COL22A1: variants seen among roughly 807,000 people sequenced by gnomAD.
The protein encoded by COL22A1 is collagen alpha-1(XXII) chain.
Under a neutral mutation model 248.9 loss-of-function variants are expected in COL22A1, and 221 were observed. That is an observed-to-expected ratio of 0.89 (90% CI 0.80 to 0.99). The LOEUF (loss-of-function observed/expected upper bound fraction) is 0.99. Ranked by LOEUF, COL22A1 falls within the 50% of genes least tolerant of loss-of-function variation. The pLI is 0.00. For synonymous variants in COL22A1, 891 were observed against 793.4 expected (o/e 1.12, Z -2.07); for missense variants, 2,240 against 2,179.0 (o/e 1.03, Z -0.56).
At chr8:138,728,584 C>T (rs920778489) in intron 23 of COL22A1, among the ~76,000 whole-genome samples, 3 of 151,982 alleles carry the variant, frequency 2.0e-5, no homozygotes, top group South Asian at 2.1e-4. Context: ...TTGCCCCTTG[C>T]GAACACCCTT....
intron 60 of COL22A1, among the ~76,000 whole-genome samples, chr8:138,599,705 A>G (rs893446551): frequency 6.6e-6 from 1 of 152,146 alleles, no homozygotes; most frequent in African/African-American, 2.4e-5. Flanking sequence ...AGCCTGCGTG[A>G]CAGAGTGAGA....
rs776298038 is a variant in COL22A1, at chr8:138,725,406, G to T, written c.2174C>A (p.Pro725His). 1 of 1,613,744 alleles carries T rather than the reference G, an allele frequency of 6.2e-7. No homozygotes were observed. The highest frequency in any genetic ancestry group is 8.5e-7 in the Non-Finnish European group (1 of 1,179,772). ...TCTTACCGGAGAACCTCCCGGTCCA[G>T]GGGGGCCTGGGACACCAGGGGGTCC... is the stretch of plus-strand genomic sequence containing the variant. ...PPGPPGVPGP[P>H]GPGGSPGLPG... Residue 725 changes from proline to histidine, a missense_variant, in exon 24 of 65, where the codon CCT (proline) becomes CAT (histidine). Physicochemically the swap from Pro to His is moderately conservative, Grantham distance 77 (BLOSUM62 -2). Coordinates refer to ENST00000303045, the MANE Select transcript of COL22A1 (RefSeq NM_152888.3).
At chr8:138,762,143 G>A (rs754673806) in intron 17 of COL22A1, among the ~76,000 whole-genome samples, 4 of 152,162 alleles carry the variant, frequency 2.6e-5, no homozygotes, top group African/African-American at 4.8e-5. Flanking sequence ...CCTTGAAAAC[G>A]TGCGCGTGGT....
intron 22 of COL22A1, among the ~76,000 whole-genome samples, chr8:138,738,140 G>A (rs558725590): frequency 1.3e-5 from 2 of 152,244 alleles, no homozygotes; most frequent in East Asian, 3.9e-4. Flanking sequence ...ACAAGTGCAT[G>A]GTTTTCCCTG....
chr8:138,696,368 GA>G (rs1319197884), intron 32 of COL22A1, among the ~76,000 whole-genome samples: 3 of 152,184 alleles, frequency 2.0e-5, no homozygotes, highest in Admixed American at 6.5e-5. Context: ...GTGTTTGCAA[GA>G]CACGGCTTTA....
At chr8:138,625,384 G>A (rs1449910532) in intron 51 of COL22A1, among the ~76,000 whole-genome samples, 1 of 152,030 alleles carries the variant, frequency 6.6e-6, no homozygotes, top group African/African-American at 2.4e-5. Flanking sequence ...CAGGGTTGGG[G>A]GACTGTAGAC....
At chr8:138,809,181 G>A (rs1817972111) in intron 9 of COL22A1, among the ~76,000 whole-genome samples, 1 of 152,122 alleles carries the variant, frequency 6.6e-6, no homozygotes, top group Non-Finnish European at 1.5e-5. Flanking sequence ...GGAAGCAGCA[G>A]GCTCCCTTCT....
intron 56 of COL22A1, among the ~76,000 whole-genome samples, chr8:138,612,935 CAAAAAAAAAA>C (rs56824708): frequency 1.6e-3 from 66 of 40,910 alleles, no homozygotes; most frequent in African/African-American, 6.5e-3. Context: ...GACTCCATCT[CAAAAAAAAAA>C]AAAAAAAAAA....
chr8:138,599,879 C>T (rs983463433), intron 60 of COL22A1, among the ~76,000 whole-genome samples: 17 of 152,214 alleles, frequency 1.1e-4, no homozygotes, highest in African/African-American at 3.9e-4. Context: ...TGCAGCTCCT[C>T]GGGCTGCCTG....
chr8:138,645,278 C>T (rs1389284620), intron 47 of COL22A1, among the ~76,000 whole-genome samples: 1 of 152,118 alleles, frequency 6.6e-6, no homozygotes, highest in African/African-American at 2.4e-5. Flanking sequence ...ATGAGTAACG[C>T]CTCTTCCCAC....
intron 3 of COL22A1, among the ~76,000 whole-genome samples, chr8:138,866,072 C>G (rs1164335833): frequency 6.6e-6 from 1 of 151,684 alleles, no homozygotes; most frequent in Non-Finnish European, 1.5e-5. Context: ...TTCAAAGAAA[C>G]CAGGGTAAAC....
At position 138,811,837 on chromosome 8, in the gene COL22A1, A is replaced by G. The variant is rs1341646701; in HGVS notation, c.1411T>C (p.Leu471=). ...PTPGSEQIGF[L]KTINCSCPAG... is the part of the protein sequence containing the mutation. ...GGGCAGGAGCAGTTGATGGTCTTCA[A>G]AAACCCAATCTGTTCACTGCCTGGG... Residue 471 remains leucine (L), a synonymous_variant, in exon 9 of 65, where the codon TTG becomes CTG. Transcript: ENST00000303045. 1.9e-6 allele frequency: 3 copies of G among 1,611,956 alleles called. No homozygotes were observed. The highest frequency in any genetic ancestry group is 2.7e-5 in the African/African-American group (2 of 74,780).
At chr8:138,798,395 A>C (rs2131611718) in intron 11 of COL22A1, among the ~76,000 whole-genome samples, 1 of 151,980 alleles carries the variant, frequency 6.6e-6, no homozygotes, top group Non-Finnish European at 1.5e-5. Flanking sequence ...TTCTAGTGTA[A>C]CATTTACACT....
intron 47 of COL22A1, among the ~76,000 whole-genome samples, chr8:138,643,609 T>TATAGATAG (rs57015617): frequency 0.32 from 46,438 of 146,282 alleles, 7,419 homozygotes; most frequent in South Asian, 0.39. Context: ...CCCTATGCAA[T>TATAGATAG]ATAGATAGAT....
At position 138,807,780 on chromosome 8, in the gene COL22A1, G is replaced by A. The variant is rs1817851189; in HGVS notation, c.1482C>T (p.Leu494=). The change falls in exon 10 of 65, where the codon CTC becomes CTT. Residue 494 remains leucine, a synonymous_variant. Transcript: ENST00000303045. ...TGCCTGTACTGACCTTTGGACCAGG[G>A]AGCCCCATGGGGCCAGCAACTCCCA... ...GEMGVAGPMG[L]PGPKGDIGAI... is the part of the protein sequence containing the mutation. The A allele has an allele frequency of 1.2e-6, 2 of 1,613,958 alleles. No homozygotes were observed. The highest frequency in any genetic ancestry group is 4.5e-5 in the East Asian group (2 of 44,888).
At chr8:138,639,707 T>G (rs1278025522) in intron 47 of COL22A1, among the ~76,000 whole-genome samples, 1 of 152,216 alleles carries the variant, frequency 6.6e-6, no homozygotes. Flanking sequence ...ATGAGACTTT[T>G]GCTAGCTTTG....
rs76224827 is a variant in COL22A1, at chr8:138,627,819, A to G, written c.3664-1576T>C. ...TGTGCTTGTTCCTAAGCCTGTTTGC[A>G]TCAGTTATTTGCTATGAAAGTCATA... On this transcript the variant is annotated intron_variant, in intron 50 of 64. Transcript: ENST00000303045. Among the ~76,000 whole-genome samples the G allele has an allele frequency of 5.4e-4, 82 of 152,328 alleles. 1 individual carries two copies. In the East Asian group the frequency reaches 0.015, roughly 28 times the overall value.
At chr8:138,715,308 A>G (rs1193780973) in intron 30 of COL22A1, among the ~76,000 whole-genome samples, 2 of 152,190 alleles carry the variant, frequency 1.3e-5, no homozygotes, top group Non-Finnish European at 2.9e-5. Flanking sequence ...CTGTAATCCC[A>G]GCACTTTGGA....
intron 25 of COL22A1, among the ~76,000 whole-genome samples, chr8:138,722,744 C>G (rs757842146): frequency 6.6e-6 from 1 of 151,526 alleles, no homozygotes; most frequent in Non-Finnish European, 1.5e-5. Flanking sequence ...TGACTGGGAC[C>G]TGCAAGGTTT....
Sources: gnomAD v4.1 joint callset for allele counts (sites outside exome capture counted in the v4.1 genomes callset) on GRCh38, gnomAD v4.1.1 for gene constraint, MANE v1.5 for transcripts, NCBI Gene and HGNC (gene_info 2026-07-23, HGNC 2026-07-21) for gene names.